MBNL2: variants seen among roughly 807,000 people sequenced by gnomAD.
The protein encoded by MBNL2 is muscleblind like splicing regulator 2, also known as muscleblind-like protein 2.
Under a neutral mutation model 41.9 loss-of-function variants are expected in MBNL2, and 17 were observed. That is an observed-to-expected ratio of 0.41 (90% CI 0.28 to 0.61). The LOEUF is 0.61. Ranked by LOEUF, MBNL2 falls within the 20% of genes least tolerant of loss-of-function variation. The pLI is 0.35. For missense variants in MBNL2, 336 were observed against 505.6 expected, an observed-to-expected ratio of 0.66 and a Z score of 3.22; for synonymous variants, 195 against 182.9, an observed-to-expected ratio of 1.07 and a Z score of -0.53.
chr13:97,296,388 A>C (rs2057013843), intron 2 of MBNL2, among the ~76,000 whole-genome samples: 1 of 152,226 alleles, frequency 6.6e-6, no homozygotes, highest in South Asian at 2.1e-4. Flanking sequence ...TCAGATATAC[A>C]CAAGGGAACA....
chr13:97,205,841 T>C, the MBNL2 span, among the ~76,000 whole-genome samples: 981 of 152,340 alleles, frequency 6.4e-3, 11 homozygotes, highest in African/African-American at 0.023. Flanking sequence ...GCACGACTGA[T>C]GTTAAATTCT....
chr13:97,221,390 A>AAATAAATTAATT (rs1428384329), upstream of MBNL2: 1 of 152,260 alleles, frequency 6.6e-6, no homozygotes, highest in African/African-American at 2.4e-5. Flanking sequence ...ATAAATAAAT[A>AAATAAATTAATT]AATAAATAAC....
At chr13:97,270,188 C>G (rs1355659125) in intron 1 of MBNL2, among the ~76,000 whole-genome samples, 1 of 152,188 alleles carries the variant, frequency 6.6e-6, no homozygotes, top group Non-Finnish European at 1.5e-5. Context: ...GCCCTTGAGA[C>G]AGCACCGTCA....
At chr13:97,210,738 A>G in the MBNL2 span, among the ~76,000 whole-genome samples, 1 of 151,770 alleles carries the variant, frequency 6.6e-6, no homozygotes, top group Non-Finnish European at 1.5e-5. Flanking sequence ...GGTTACAGGC[A>G]TAAGTTTCAC....
At chr13:97,328,120 C>A (rs1398491512) in intron 2 of MBNL2, among the ~76,000 whole-genome samples, 1 of 151,852 alleles carries the variant, frequency 6.6e-6, no homozygotes, top group Non-Finnish European at 1.5e-5. Context: ...CCAAGAACAG[C>A]AGCGCTGCAT....
intron 2 of MBNL2, among the ~76,000 whole-genome samples, chr13:97,295,467 A>G (rs1412034974): frequency 2.0e-5 from 3 of 152,106 alleles, no homozygotes; most frequent in Non-Finnish European, 4.4e-5. Context: ...TTATGTATCT[A>G]TGATGTGTTG....
the MBNL2 span, among the ~76,000 whole-genome samples, chr13:97,159,448 G>C: frequency 6.6e-6 from 1 of 151,072 alleles, no homozygotes; most frequent in Non-Finnish European, 1.5e-5. Flanking sequence ...TATGATGTTA[G>C]CTGGTTATTT....
chr13:97,350,795 CT>C (rs2062377394), intron 5 of MBNL2, among the ~76,000 whole-genome samples: 2 of 152,188 alleles, frequency 1.3e-5, no homozygotes, highest in African/African-American at 4.8e-5. Flanking sequence ...TCTGGAGTTA[CT>C]TACTTTTTCC....
intron 2 of MBNL2, among the ~76,000 whole-genome samples, chr13:97,283,484 C>T (rs2053826952): frequency 6.6e-6 from 1 of 152,164 alleles, no homozygotes; most frequent in Non-Finnish European, 1.5e-5. Context: ...ACCACTATGG[C>T]CCAAACTCTT....
intron 2 of MBNL2, among the ~76,000 whole-genome samples, chr13:97,316,462 T>C (rs1484481986): frequency 6.6e-6 from 1 of 152,222 alleles, no homozygotes; most frequent in Non-Finnish European, 1.5e-5. Flanking sequence ...AAACAAGTTC[T>C]TACAATGGCC....
rs73557647 is a variant in MBNL2, at chr13:97,292,248, C to G, written c.174+15839C>G. Among the ~76,000 whole-genome samples the G allele has an allele frequency of 6.2e-3, 935 of 151,816 alleles. 10 individuals carry two copies. Among genetic ancestry groups the G allele is most frequent in the African/African-American group, 0.022 (890 of 41,358 alleles). On this transcript the variant is annotated intron_variant, in intron 2 of 8. Coordinates refer to ENST00000679496, the MANE Select transcript of MBNL2 (RefSeq NM_001382683.1). ...GTGATTGCTCGAAGAGGGAACGACC[C>G]TTTCCTCTTACGAAGGCATCTCTCC... is the stretch of plus-strand genomic sequence containing the variant.
At chr13:97,165,615 G>T in the MBNL2 span, among the ~76,000 whole-genome samples, 1 of 152,118 alleles carries the variant, frequency 6.6e-6, no homozygotes, top group Admixed American at 6.5e-5. Context: ...TTTTAATAAT[G>T]CAAATTATGA....
intron 2 of MBNL2, among the ~76,000 whole-genome samples, chr13:97,288,231 G>A (rs2055067190): frequency 6.6e-6 from 1 of 152,080 alleles, no homozygotes; most frequent in South Asian, 2.1e-4. Context: ...TTCAAAGGCA[G>A]GGATCTATCT....
At chr13:97,265,631 G>A (rs1051671529) in intron 1 of MBNL2, among the ~76,000 whole-genome samples, 1 of 152,074 alleles carries the variant, frequency 6.6e-6, no homozygotes, top group Non-Finnish European at 1.5e-5. Context: ...TAGTAAAAAA[G>A]TTATTTCCAC....
chr13:97,186,914 G>C, the MBNL2 span, among the ~76,000 whole-genome samples: 1 of 152,168 alleles, frequency 6.6e-6, no homozygotes, highest in Non-Finnish European at 1.5e-5. Context: ...ACCAGGTTGA[G>C]ATAATATATT....
At chr13:97,283,132 G>A (rs761829613) in intron 2 of MBNL2, among the ~76,000 whole-genome samples, 76 of 152,046 alleles carry the variant, frequency 5.0e-4, no homozygotes, top group Non-Finnish European at 7.6e-4. Flanking sequence ...CACGCTCACC[G>A]CCCTTCCTAC....
chr13:97,292,395 C>T (rs2056302260), intron 2 of MBNL2, among the ~76,000 whole-genome samples: 1 of 152,126 alleles, frequency 6.6e-6, no homozygotes, highest in African/African-American at 2.4e-5. Context: ...ATCATCTGAG[C>T]AGACTTCCCT....
intron 1 of MBNL2, among the ~76,000 whole-genome samples, chr13:97,250,666 C>A (rs1324064200): frequency 2.0e-5 from 3 of 152,014 alleles, no homozygotes; most frequent in African/African-American, 7.2e-5. Flanking sequence ...TTTATTCATT[C>A]AATGATCTTG....
At chr13:97,180,855 C>G in the MBNL2 span, among the ~76,000 whole-genome samples, 2 of 151,484 alleles carry the variant, frequency 1.3e-5, no homozygotes, top group Non-Finnish European at 2.9e-5. Flanking sequence ...CAACACAGAT[C>G]TATTATTTCA....
Sources: gnomAD v4.1 joint callset for allele counts (sites outside exome capture counted in the v4.1 genomes callset) on GRCh38, gnomAD v4.1.1 for gene constraint, MANE v1.5 for transcripts, NCBI Gene and HGNC (gene_info 2026-07-23, HGNC 2026-07-21) for gene names.